GNAO1: variants seen among roughly 807,000 people sequenced by gnomAD.
The protein encoded by GNAO1 is G protein subunit alpha o1, also known as guanine nucleotide-binding protein G(o) subunit alpha.
For synonymous variants in GNAO1, 164 were observed against 180.7 expected, an observed-to-expected ratio of 0.91 and a Z score of 0.74; for missense variants, 166 against 478.7, an observed-to-expected ratio of 0.35 and a Z score of 6.10.
At chr16:56,327,590 C>G (rs1484324836) in intron 3 of GNAO1, among the ~76,000 whole-genome samples, 1 of 152,148 alleles carries the variant, frequency 6.6e-6, no homozygotes. Context: ...TCTGCAGGAG[C>G]CTTCTTATCT....
chr16:56,303,948 C>T (rs1411943363), intron 3 of GNAO1, among the ~76,000 whole-genome samples: 1 of 152,184 alleles, frequency 6.6e-6, no homozygotes, highest in Non-Finnish European at 1.5e-5. Flanking sequence ...CACAGCAGAA[C>T]ACCTATCTTG....
At chr16:56,327,332 C>T (rs1256390481) in intron 3 of GNAO1, among the ~76,000 whole-genome samples, 1 of 152,174 alleles carries the variant, frequency 6.6e-6, no homozygotes, top group South Asian at 2.1e-4. Flanking sequence ...CTGTGGGCCA[C>T]GGCGAGTCCT....
intron 3 of GNAO1, among the ~76,000 whole-genome samples, chr16:56,290,402 A>C (rs149313807): frequency 1.6e-4 from 24 of 152,170 alleles, no homozygotes; most frequent in Non-Finnish European, 3.1e-4. Flanking sequence ...TGGGTGCTCT[A>C]TTGAAGTCTG....
chr16:56,237,413 G>A (rs75317065), intron 2 of GNAO1, among the ~76,000 whole-genome samples: 2 of 152,144 alleles, frequency 1.3e-5, no homozygotes, highest in Admixed American at 6.5e-5. Context: ...CTACGGCTGT[G>A]CAGAGCAATG....
At chr16:56,251,794 G>A (rs1179237219) in intron 2 of GNAO1, among the ~76,000 whole-genome samples, 1 of 152,160 alleles carries the variant, frequency 6.6e-6, no homozygotes, top group Non-Finnish European at 1.5e-5. Flanking sequence ...TGGTGAGAGG[G>A]TCTGCCTGTC....
At position 56,346,039 on chromosome 16, in the gene GNAO1, G is replaced by A. The variant is rs184199853; in HGVS notation, c.724-5345G>A. On this transcript the variant is annotated intron_variant, in intron 6 of 8. Transcript: ENST00000262493. ...TGTCCCTAGAACTGGGGCTGGAGGA[G>A]TGGGTGCTCAGCCCTTCCTGCCCTC... The A allele has an allele frequency of 6.1e-6, 6 of 985,234 alleles. No individual in the cohort carries two copies. The African/African-American group carries it at 8.7e-5, about 14-fold the overall frequency. The allele number at this position is 985,234 out of a possible 1,614,324, so 61.0% of individuals were successfully genotyped here.
At chr16:56,236,309 T>G (rs2036636626) in intron 2 of GNAO1, among the ~76,000 whole-genome samples, 1 of 152,192 alleles carries the variant, frequency 6.6e-6, no homozygotes, top group Non-Finnish European at 1.5e-5. Flanking sequence ...CTGTATCTTT[T>G]CTAGTCCCTT....
intron 6 of GNAO1, chr16:56,345,804 G>A: frequency 1.0e-6 from 1 of 985,576 alleles, no homozygotes; most frequent in Non-Finnish European, 1.2e-6. Flanking sequence ...GGTGAGGCCA[G>A]TTGTTCCGCT....
At chr16:56,296,595 A>G (rs746140390) in intron 3 of GNAO1, among the ~76,000 whole-genome samples, 8 of 152,128 alleles carry the variant, frequency 5.3e-5, no homozygotes, top group Non-Finnish European at 1.0e-4. Flanking sequence ...CTGAGGATCA[A>G]GGCTATTCAG....
In GNAO1 at chr16:56,355,062, C is replaced by T. The variant is rs753419422; in HGVS notation, c.*9C>T. 1.3e-6 allele frequency: 2 copies of T among 1,594,666 alleles called. No homozygotes were observed. The highest frequency in any genetic ancestry group is 1.1e-5 in the South Asian group (1 of 90,120). ...GCTGCGGCTTGTACTGACCTCTTGT[C>T]CTGTATAGCAACCTATTTGGTAATG... On this transcript the variant is annotated 3_prime_UTR_variant, in exon 8 of 9. Coordinates refer to ENST00000262493, the MANE Select transcript of GNAO1 (RefSeq NM_020988.3).
intron 3 of GNAO1, among the ~76,000 whole-genome samples, chr16:56,292,885 A>G (rs920005325): frequency 6.6e-6 from 1 of 152,238 alleles, no homozygotes; most frequent in Non-Finnish European, 1.5e-5. Context: ...CACCTGCTGT[A>G]ACCAGCAGCC....
chr16:56,244,611 C>A (rs991176919), intron 2 of GNAO1, among the ~76,000 whole-genome samples: 3 of 152,084 alleles, frequency 2.0e-5, no homozygotes, highest in Non-Finnish European at 4.4e-5. Flanking sequence ...GCTTCCGCTG[C>A]GATTCTCTAA....
At chr16:56,228,940 T>G (rs2036560897) in intron 2 of GNAO1, among the ~76,000 whole-genome samples, 1 of 152,266 alleles carries the variant, frequency 6.6e-6, no homozygotes, top group African/African-American at 2.4e-5. Flanking sequence ...TTAGTTATCT[T>G]TACTCGTGTA....
chr16:56,255,824 A>C (rs747009822), intron 2 of GNAO1, among the ~76,000 whole-genome samples: 3 of 152,136 alleles, frequency 2.0e-5, no homozygotes, highest in Non-Finnish European at 2.9e-5. Flanking sequence ...TAAATTATAT[A>C]TCTATATTTT....
At chr16:56,345,949 G>A (rs1348773487) in intron 6 of GNAO1, 2 of 985,536 alleles carry the variant, frequency 2.0e-6, no homozygotes, top group African/African-American at 3.5e-5. Flanking sequence ...TCCCCCAGCA[G>A]CCGCCCTCAG....
chr16:56,244,503 G>A (rs1414423796), intron 2 of GNAO1, among the ~76,000 whole-genome samples: 1 of 152,094 alleles, frequency 6.6e-6, no homozygotes, highest in African/African-American at 2.4e-5. Flanking sequence ...TCGATTAGCA[G>A]TCACGTATCT....
chr16:56,235,803 A>G (rs1398683046), intron 2 of GNAO1, among the ~76,000 whole-genome samples: 3 of 152,204 alleles, frequency 2.0e-5, no homozygotes, highest in Admixed American at 6.5e-5. Flanking sequence ...ATGAATATGC[A>G]TGATTCTGGC....
chr16:56,249,777 G>C (rs776771360), intron 2 of GNAO1, among the ~76,000 whole-genome samples: 10 of 152,180 alleles, frequency 6.6e-5, no homozygotes, highest in Non-Finnish European at 1.5e-4. Context: ...CAGGCATTAT[G>C]GTTTCACCAC....
rs373209490 is a variant in GNAO1 at position 56,334,744 on chromosome 16, G to A, written c.480G>A (p.Leu160=). ...CCATCCTCAGCTACCTGGACAGCCT[G>A]GATCGGATTGGGGCCGCCGACTACC... The part of the protein sequence containing the change: ...NDSAKYYLDS[L]DRIGAADYQP... Residue 160 remains leucine, a synonymous_variant, in exon 5 of 9, where the codon CTG becomes CTA. Transcript: ENST00000262493. 1.2e-6 allele frequency: 2 copies of A among 1,614,018 alleles called. No individual in the cohort carries two copies. The highest frequency in any genetic ancestry group is 2.7e-5 in the African/African-American group (2 of 75,064).
Sources: allele counts gnomAD v4.1 joint callset (sites outside exome capture counted in the v4.1 genomes callset), GRCh38; gene constraint gnomAD v4.1.1; transcripts MANE v1.5; gene names NCBI Gene and HGNC (gene_info 2026-07-23, HGNC 2026-07-21).